Variants in PARD3 observed in about 807,000 individuals in gnomAD.
PARD3 encodes par-3 family cell polarity regulator, also known as partitioning defective 3 homolog.
In PARD3, 75 loss-of-function variants were observed where a neutral mutation model predicts 155.4. The ratio of observed to expected loss-of-function variants is 0.48; its 90% CI spans 0.40 to 0.58. The LOEUF is 0.58. Ranked by LOEUF, PARD3 falls within the 20% of genes least tolerant of loss-of-function variation. The pLI is 0.00. For missense variants in PARD3, 1,642 were observed against 1,721.7 expected (o/e 0.95, Z 0.82); for synonymous variants, 576 against 610.5 (o/e 0.94, Z 0.83).
chr10:34,288,978 T>C (rs1185931815), intron 20 of PARD3, among the ~76,000 whole-genome samples: 1 of 152,168 alleles, frequency 6.6e-6, no homozygotes, highest in Non-Finnish European at 1.5e-5. Flanking sequence ...CCTTCTTTTT[T>C]GGAGACAGGG....
At chr10:34,467,843 G>A (rs2078108164) in intron 4 of PARD3, among the ~76,000 whole-genome samples, 1 of 152,176 alleles carries the variant, frequency 6.6e-6, no homozygotes, top group Non-Finnish European at 1.5e-5. Context: ...CTCTCCTAAC[G>A]TGTTCCTGTG....
At chr10:34,558,847 T>C (rs2085227395) in intron 2 of PARD3, among the ~76,000 whole-genome samples, 1 of 152,142 alleles carries the variant, frequency 6.6e-6, no homozygotes, top group African/African-American at 2.4e-5. Flanking sequence ...CTCAGGAGGC[T>C]GAGGCAGAAG....
intron 2 of PARD3, among the ~76,000 whole-genome samples, chr10:34,544,303 T>C (rs2083873691): frequency 6.6e-6 from 1 of 152,216 alleles, no homozygotes; most frequent in Non-Finnish European, 1.5e-5. Context: ...TATACTTAGA[T>C]GCTATCAAAA....
chr10:34,188,075 G>A (rs556841443), intron 22 of PARD3, among the ~76,000 whole-genome samples: 16 of 152,280 alleles, frequency 1.1e-4, no homozygotes, highest in Admixed American at 3.3e-4. Context: ...TCATGTGTTA[G>A]AATTATCTTC....
intron 22 of PARD3, among the ~76,000 whole-genome samples, chr10:34,248,036 C>T (rs1191211314): frequency 6.6e-6 from 1 of 152,202 alleles, no homozygotes; most frequent in Non-Finnish European, 1.5e-5. Flanking sequence ...TAGATCATTT[C>T]ACATACCAGT....
At chr10:34,794,988 C>A (rs1280033136) in intron 1 of PARD3, among the ~76,000 whole-genome samples, 1 of 152,388 alleles carries the variant, frequency 6.6e-6, no homozygotes, top group Admixed American at 6.5e-5. Flanking sequence ...CTGCCCTGAA[C>A]CTAGGCAGGC....
intron 1 of PARD3, among the ~76,000 whole-genome samples, chr10:34,739,234 A>T (rs1026260684): frequency 3.3e-5 from 5 of 152,252 alleles, no homozygotes; most frequent in African/African-American, 1.2e-4. Context: ...GTTAAAGTCA[A>T]CGTTGGTTCA....
Position 34,614,440 on chromosome 10 carries a change from CCTATT to C in PARD3, c.222+81873_222+81877del, listed in dbSNP as rs2091117360. On this transcript the variant is annotated intron_variant, in intron 2 of 24. Coordinates refer to ENST00000374788, the MANE Select transcript of PARD3 (RefSeq NM_001184785.2). ...CCAAGTCAGACATTAAAATAAGTGT[CCTATT>C]CTAGGGTAACAAGGCTGATTATGAA... Among the ~76,000 whole-genome samples, 5 of 152,134 alleles carry C rather than the reference CCTATT, an allele frequency of 3.3e-5. No individual in the cohort carries two copies. In the South Asian group the frequency reaches 1.0e-3, roughly 32 times the overall value.
intron 6 of PARD3, 90 bp from the exon 7 acceptor site, chr10:34,399,503 C>G: frequency 1.2e-6 from 1 of 807,294 alleles, no homozygotes; most frequent in South Asian, 1.4e-5. Flanking sequence ...TGCAACAACA[C>G]AGACACACAA....
At chr10:34,552,678 C>T (rs1304087011) in intron 2 of PARD3, among the ~76,000 whole-genome samples, 2 of 151,232 alleles carry the variant, frequency 1.3e-5, no homozygotes, top group South Asian at 2.1e-4. Flanking sequence ...CTCACCATTG[C>T]ACTCCAGCCT....
intron 22 of PARD3, among the ~76,000 whole-genome samples, chr10:34,266,757 C>G (rs1476037799): frequency 6.6e-6 from 1 of 152,206 alleles, no homozygotes; most frequent in East Asian, 1.9e-4. Context: ...AATTAGGAGG[C>G]TGAGTTTCAG....
intron 2 of PARD3, among the ~76,000 whole-genome samples, chr10:34,577,192 T>C (rs1241164674): frequency 6.6e-6 from 1 of 152,222 alleles, no homozygotes; most frequent in Non-Finnish European, 1.5e-5. Context: ...AAACTTAGCC[T>C]GCATTTCATA....
rs1835588135 is a variant in PARD3, at chr10:34,331,270, C to G, written c.2680G>C (p.Val894Leu). Residue 894 changes from valine (V) to leucine (L), a missense_variant, in exon 19 of 25, where the codon GTT becomes CTT. Physicochemically the swap from Val to Leu is conservative, Grantham distance 32. Coordinates refer to ENST00000374788, the MANE Select transcript of PARD3 (RefSeq NM_001184785.2). ...SSSLESLQTA[V>L]AEVTLNGDIP... Reference sequence around the variant, plus strand: ...TCCCCATTCAAAGTCACCTCGGCAACTGCGGTCTGCAGACTCTCCAACGAG... The same window carrying G: ...TCCCCATTCAAAGTCACCTCGGCAAGTGCGGTCTGCAGACTCTCCAACGAG... The G allele has an allele frequency of 6.2e-7, 1 of 1,613,908 alleles. No individual in the cohort carries two copies. The highest frequency in any genetic ancestry group is 8.5e-7 in the Non-Finnish European group (1 of 1,179,970).
intron 7 of PARD3, among the ~76,000 whole-genome samples, chr10:34,390,244 T>C (rs914457732): frequency 6.6e-6 from 1 of 152,194 alleles, no homozygotes; most frequent in Non-Finnish European, 1.5e-5. Flanking sequence ...CAAATGTGTA[T>C]TGGGATTCTC....
intron 20 of PARD3, among the ~76,000 whole-genome samples, chr10:34,311,046 A>G (rs1413305373): frequency 2.6e-5 from 4 of 152,202 alleles, no homozygotes; most frequent in African/African-American, 9.6e-5. Flanking sequence ...ATTAATCCCC[A>G]TGGCAATTAG....
intron 24 of PARD3, among the ~76,000 whole-genome samples, chr10:34,113,588 C>CT: frequency 6.6e-6 from 1 of 152,080 alleles, no homozygotes; most frequent in Non-Finnish European, 1.5e-5. Flanking sequence ...TATCTATATG[C>CT]TCTTGATTAA....
chr10:34,596,575 G>A (rs2089281987), intron 2 of PARD3, among the ~76,000 whole-genome samples: 1 of 152,120 alleles, frequency 6.6e-6, no homozygotes, highest in Non-Finnish European at 1.5e-5. Context: ...GAACAGCATA[G>A]GGGAACTTCT....
chr10:34,258,400 G>C (rs563854783), intron 22 of PARD3, among the ~76,000 whole-genome samples: 2 of 152,304 alleles, frequency 1.3e-5, no homozygotes, highest in African/African-American at 4.8e-5. Context: ...GTTATCGGGG[G>C]GAGCAGGCTA....
At chr10:34,627,948 C>T (rs1490963509) in intron 2 of PARD3, among the ~76,000 whole-genome samples, 2 of 152,080 alleles carry the variant, frequency 1.3e-5, no homozygotes, top group Non-Finnish European at 2.9e-5. Context: ...TCCAAAGTTG[C>T]TGCAAGCCCT....
Sources: gnomAD v4.1 joint callset for allele counts (sites outside exome capture counted in the v4.1 genomes callset) on GRCh38, gnomAD v4.1.1 for gene constraint, MANE v1.5 for transcripts, NCBI Gene and HGNC (gene_info 2026-07-23, HGNC 2026-07-21) for gene names.